Variants in AKAP13 observed in about 807,000 individuals in gnomAD.
AKAP13 encodes the protein A-kinase anchoring protein 13, also known as A-kinase anchor protein 13.
In AKAP13, 80 loss-of-function variants were observed where a neutral mutation model predicts 264.5. That is an observed-to-expected ratio of 0.30 (90% CI 0.25 to 0.36). The LOEUF (loss-of-function observed/expected upper bound fraction) is 0.36, where lower values mean the gene tolerates loss of function less well. Ranked by LOEUF, AKAP13 falls within the 10% of genes least tolerant of loss-of-function variation. The pLI is 1.00. For missense variants in AKAP13, 3,712 were observed against 3,435.2 expected, an observed-to-expected ratio of 1.08 and a Z score of -2.01; for synonymous variants, 1,380 against 1,250.2, an observed-to-expected ratio of 1.10 and a Z score of -2.19.
intron 1 of AKAP13, among the ~76,000 whole-genome samples, chr15:85,425,972 A>T (rs1384080277): frequency 6.6e-6 from 1 of 152,168 alleles, no homozygotes; most frequent in African/African-American, 2.4e-5. Context: ...AATAAGAGAC[A>T]TCTATAAAGT....
chr15:85,705,343 G>A (rs1184618726), intron 17 of AKAP13, among the ~76,000 whole-genome samples: 3 of 152,204 alleles, frequency 2.0e-5, no homozygotes, highest in African/African-American at 7.2e-5. Flanking sequence ...TGCCCATAGT[G>A]TTCTTGGTCA....
At chr15:85,643,047 A>G (rs959878053) in intron 9 of AKAP13, among the ~76,000 whole-genome samples, 2 of 151,556 alleles carry the variant, frequency 1.3e-5, no homozygotes, top group Non-Finnish European at 2.9e-5. Context: ...CAGAATACCC[A>G]TAGTTTCCAG....
At chr15:85,668,496 G>C (rs1394993252) in intron 13 of AKAP13, among the ~76,000 whole-genome samples, 1 of 152,186 alleles carries the variant, frequency 6.6e-6, no homozygotes, top group African/African-American at 2.4e-5. Flanking sequence ...TACTGAGAGA[G>C]TTAAATTATC....
chr15:85,633,590 C>T (rs1356395707), intron 8 of AKAP13, among the ~76,000 whole-genome samples: 4 of 125,554 alleles, frequency 3.2e-5, no homozygotes, highest in Non-Finnish European at 6.4e-5. Flanking sequence ...GTCACCCAGG[C>T]TGGAGTGCAG....
intron 13 of AKAP13, 113 bp from the exon 14 acceptor site, chr15:85,669,609 C>T: frequency 2.8e-6 from 2 of 715,028 alleles, no homozygotes; most frequent in South Asian, 2.0e-5. Context: ...GTGCTCTCAC[C>T]CGCTTCTTCA....
At position 85,561,815 on chromosome 15, in the gene AKAP13, T is replaced by C. The variant is rs1373785307; in HGVS notation, c.663-13316T>C. On this transcript the variant is annotated intron_variant, in intron 5 of 36. Coordinates refer to ENST00000394518, the MANE Select transcript of AKAP13 (RefSeq NM_007200.5). ...ATGAAAAGCAAGAGAAAAATGACCA[T>C]AGACGCCATGGACTACTAACTTCTG... Among the ~76,000 whole-genome samples, 10 of 152,300 alleles carry C rather than the reference T, an allele frequency of 6.6e-5. No homozygotes were observed. In the East Asian group the frequency reaches 1.5e-3, roughly 24 times the overall value.
intron 17 of AKAP13, among the ~76,000 whole-genome samples, chr15:85,694,028 G>A (rs1356886157): frequency 2.0e-5 from 3 of 152,202 alleles, no homozygotes; most frequent in African/African-American, 7.2e-5. Flanking sequence ...TCTGCACTCT[G>A]TTCTATGATC....
intron 25 of AKAP13, 120 bp downstream of exon 25, chr15:85,722,467 T>C: frequency 1.2e-6 from 1 of 819,238 alleles, no homozygotes; most frequent in Non-Finnish European, 1.9e-6. Context: ...AGAGACCTTG[T>C]GTTTTATCTT....
chr15:85,721,859 A>G, intron 23 of AKAP13, 132 bp from the exon 24 acceptor site: 1 of 1,421,762 alleles, frequency 7.0e-7, no homozygotes, highest in South Asian at 1.4e-5. Flanking sequence ...AAGCTGCTGC[A>G]CCATTTCATT....
At chr15:85,606,900 C>G (rs2080374379) in intron 8 of AKAP13, among the ~76,000 whole-genome samples, 1 of 152,104 alleles carries the variant, frequency 6.6e-6, no homozygotes, top group African/African-American at 2.4e-5. Context: ...ATGCTCTTTA[C>G]CCCAATGGGT....
intron 10 of AKAP13, among the ~76,000 whole-genome samples, chr15:85,651,193 C>G (rs867672152): frequency 4.7e-4 from 71 of 152,300 alleles, no homozygotes; most frequent in African/African-American, 4.8e-4. Flanking sequence ...GAAAGCCAAT[C>G]AGGCATTTTT....
chr15:85,436,699 A>G (rs1221118999), intron 1 of AKAP13, among the ~76,000 whole-genome samples: 1 of 149,828 alleles, frequency 6.7e-6, no homozygotes, highest in African/African-American at 2.5e-5. Flanking sequence ...AAACTGAACA[A>G]CCTGCTCCTG....
chr15:85,411,998 A>G (rs1325665831), intron 1 of AKAP13, among the ~76,000 whole-genome samples: 1 of 152,220 alleles, frequency 6.6e-6, no homozygotes. Flanking sequence ...TAAAGTAATG[A>G]TATTAACAAA....
rs774586944 is a variant in AKAP13, at chr15:85,669,706, CT to C, written c.4993-10del. ...GTATATGCTTACAACGTGTTCTTCA[CT>C]TTTTTACTTCACAGATATGTCACAG... On this transcript the variant is annotated splice_polypyrimidine_tract_variant and intron_variant, in intron 13 of 36. Coordinates refer to ENST00000394518, the MANE Select transcript of AKAP13 (RefSeq NM_007200.5). 2.5e-6 allele frequency: 4 copies of C among 1,574,850 alleles called. No homozygotes were observed. Among genetic ancestry groups the C allele is most frequent in the Middle Eastern group, 1.7e-4 (1 of 5,988 alleles).
At chr15:85,492,653 C>T (rs1229859060) in intron 2 of AKAP13, among the ~76,000 whole-genome samples, 3 of 152,224 alleles carry the variant, frequency 2.0e-5, no homozygotes, top group Admixed American at 1.3e-4. Context: ...AATACTCTTA[C>T]ATGATGTAAG....
intron 14 of AKAP13, among the ~76,000 whole-genome samples, chr15:85,674,968 T>C (rs929471684): frequency 6.6e-6 from 1 of 152,152 alleles, no homozygotes; most frequent in Non-Finnish European, 1.5e-5. Context: ...TTTTATTAAA[T>C]TGTAAGACTG....
rs771686088 is a variant in AKAP13 at position 85,719,264 on chromosome 15, C to T, written c.6190C>T (p.Leu2064=). 8 of 1,614,082 alleles carry T rather than the reference C, an allele frequency of 5.0e-6. No homozygotes were observed. The highest frequency in any genetic ancestry group is 5.9e-6 in the Non-Finnish European group (7 of 1,180,014). The change falls in exon 23 of 37, where the codon CTG becomes TTG. Residue 2064 remains leucine, a synonymous_variant. Coordinates refer to ENST00000394518, the MANE Select transcript of AKAP13 (RefSeq NM_007200.5). ...QRILERKKES[L]VDKSEKNFLI... is the part of the protein sequence containing the mutation. Reference sequence around the variant, plus strand: ...GATTCTGGAGCGGAAGAAGGAGTCTCTGGTGGATAAAAGTGAAAAGAACTT... The same window carrying T: ...GATTCTGGAGCGGAAGAAGGAGTCTTTGGTGGATAAAAGTGAAAAGAACTT...
intron 3 of AKAP13, among the ~76,000 whole-genome samples, chr15:85,523,773 C>T (rs941774019): frequency 1.7e-4 from 26 of 152,290 alleles, no homozygotes; most frequent in African/African-American, 5.3e-4. Flanking sequence ...TATGTGAATA[C>T]ACCCACACTC....
intron 1 of AKAP13, among the ~76,000 whole-genome samples, chr15:85,444,057 G>A (rs546115357): frequency 6.6e-6 from 1 of 152,238 alleles, no homozygotes; most frequent in East Asian, 1.9e-4. Context: ...TAGTGATTCG[G>A]GCTAAGGCTT....
Sources: gnomAD v4.1 joint callset for allele counts (sites outside exome capture counted in the v4.1 genomes callset) on GRCh38, gnomAD v4.1.1 for gene constraint, MANE v1.5 for transcripts, NCBI Gene and HGNC (gene_info 2026-07-23, HGNC 2026-07-21) for gene names.